The following CSNK1A1 variants were observed in gnomAD, a reference collection of about 807,000 sequenced individuals.
CSNK1A1 encodes the protein casein kinase 1 alpha 1.
Under a neutral mutation model 46.1 loss-of-function variants are expected in CSNK1A1, and 7 were observed. The observed-to-expected ratio is 0.15, with a 90% CI of 0.09 to 0.29. The LOEUF is 0.29. Among genes scored for constraint, CSNK1A1 ranks in the 10% least tolerant of loss-of-function variants. The probability of loss-of-function intolerance (pLI) is 1.00; values close to 1 mark genes in which losing one functional copy is unlikely to be tolerated. For synonymous variants in CSNK1A1, 137 were observed against 141.5 expected (o/e 0.97, Z 0.23); for missense variants, 96 against 417.1 (o/e 0.23, Z 6.71).
In CSNK1A1 at chr5:149,510,281, T is replaced by C. The variant is rs183403836; in HGVS notation, c.676-328A>G. On this transcript the variant is annotated intron_variant, in intron 6 of 9. Coordinates refer to ENST00000377843, the MANE Select transcript of CSNK1A1 (RefSeq NM_001892.6). The stretch of plus-strand genomic sequence containing the variant: ...CTTTCTATATATTTTTTTAAGGAGA[T>C]GGGGTCTCACTATGTTGCCCAGGCT... Among the ~76,000 whole-genome samples the C allele has an allele frequency of 9.9e-5, 15 of 152,016 alleles. 1 individual carries two copies. The highest frequency in any genetic ancestry group is 9.8e-4 in the Admixed American group (15 of 15,282).
chr5:149,535,749 C>T (rs1762040888), intron 2 of CSNK1A1, among the ~76,000 whole-genome samples: 1 of 152,194 alleles, frequency 6.6e-6, no homozygotes, highest in African/African-American at 2.4e-5. Flanking sequence ...TCAAGCGATT[C>T]TCCTGCCTCA....
rs1489884732 is a variant in CSNK1A1 at position 149,505,586 on chromosome 5, G to A, written c.867C>T (p.Asn289=). ...QLFRILFRTL[N]HQYDYTFDWT... is the part of the protein sequence containing the mutation. ...AATCAAATGTGTAGTCATATTGATG[G>A]TTCAGGGTCCTGGAACACATAAAAT... is the stretch of plus-strand genomic sequence containing the variant. The change falls in exon 9 of 10, where the codon AAC becomes AAT. Residue 289 remains asparagine, a synonymous_variant. Transcript: ENST00000377843. 6.2e-7 allele frequency: 1 copy of A among 1,613,604 alleles called. No individual in the cohort carries two copies. The highest frequency in any genetic ancestry group is 1.3e-5 in the African/African-American group (1 of 74,904).
chr5:149,527,284 C>G (rs772773457), intron 2 of CSNK1A1, among the ~76,000 whole-genome samples: 3 of 152,060 alleles, frequency 2.0e-5, no homozygotes, highest in African/African-American at 7.2e-5. Flanking sequence ...CCTGCCACCA[C>G]GCCCAGCTAA....
rs114835501 is a variant in CSNK1A1, at chr5:149,532,344, C to T, written c.231-7173G>A. Among the ~76,000 whole-genome samples the T allele has an allele frequency of 9.7e-3, 1,465 of 151,778 alleles. 19 individuals are homozygous for T. The highest frequency in any genetic ancestry group is 0.033 in the African/African-American group (1,369 of 41,338). Reference sequence around the variant, plus strand: ...CGGAGTGGCTCATGCTGAGATCATACTGTTGCACTCCAGCCTGGGCCACAG... The same window carrying T: ...CGGAGTGGCTCATGCTGAGATCATATTGTTGCACTCCAGCCTGGGCCACAG... On this transcript the variant is annotated intron_variant, in intron 2 of 9. Coordinates refer to ENST00000377843, the MANE Select transcript of CSNK1A1 (RefSeq NM_001892.6).
intron 9 of CSNK1A1, chr5:149,504,289 G>A (rs557485507): frequency 2.0e-6 from 2 of 985,340 alleles, no homozygotes; most frequent in East Asian, 1.1e-4. Context: ...ATGAGCTGCT[G>A]GGATGAGGAT....
At chr5:149,544,493 T>C (rs1009068559) in intron 2 of CSNK1A1, among the ~76,000 whole-genome samples, 11 of 91,858 alleles carry the variant, frequency 1.2e-4, no homozygotes, top group African/African-American at 6.3e-4. Flanking sequence ...CAAGAGCCCA[T>C]CTATATAAAA....
At chr5:149,497,800 TTTC>T in intron 9 of CSNK1A1, 1 of 985,502 alleles carries the variant, frequency 1.0e-6, no homozygotes, top group South Asian at 4.7e-5. Context: ...CAGGTCATGT[TTTC>T]TTCAATCATA....
At chr5:149,546,971 T>TC (rs1375338600) in intron 2 of CSNK1A1, among the ~76,000 whole-genome samples, 1 of 152,186 alleles carries the variant, frequency 6.6e-6, no homozygotes, top group East Asian at 1.9e-4. Flanking sequence ...GGAAACAGTT[T>TC]TTTTTTTACA....
At chr5:149,508,711 A>C (rs1418954853) in intron 7 of CSNK1A1, among the ~76,000 whole-genome samples, 1 of 152,168 alleles carries the variant, frequency 6.6e-6, no homozygotes, top group Non-Finnish European at 1.5e-5. Flanking sequence ...TTAATGTACT[A>C]ATTGTTGATA....
intron 9 of CSNK1A1, chr5:149,497,211 T>C (rs1561748028): frequency 2.9e-6 from 3 of 1,023,696 alleles, no homozygotes; most frequent in African/African-American, 1.7e-5. Context: ...GAAAAACAGA[T>C]TGCTTTGCTT....
In CSNK1A1 at chr5:149,495,996, T is replaced by C. The variant is rs1306153545; in HGVS notation, c.*857A>G. 2 of 152,546 alleles carry C rather than the reference T, an allele frequency of 1.3e-5. No homozygotes were observed. Among genetic ancestry groups the C allele is most frequent in the Non-Finnish European group, 2.9e-5 (2 of 68,010 alleles). 9.4% of individuals were successfully genotyped at this position (152,546 alleles called of 1,614,324 possible). A position where few individuals can be genotyped will look rare whatever the true frequency, so the allele number is the denominator to read the frequency against. Reference sequence around the variant, plus strand: ...AAATCTCATTTCCTTACAGAAACAGTTTTTAGTTTTTAATGAACTTGTAAA... The same window carrying C: ...AAATCTCATTTCCTTACAGAAACAGCTTTTAGTTTTTAATGAACTTGTAAA... On this transcript the variant is annotated 3_prime_UTR_variant, in exon 10 of 10. Coordinates refer to ENST00000377843, the MANE Select transcript of CSNK1A1 (RefSeq NM_001892.6).
chr5:149,538,922 C>CAAAAA (rs5872132), intron 2 of CSNK1A1, among the ~76,000 whole-genome samples: 1 of 131,916 alleles, frequency 7.6e-6, no homozygotes, highest in Non-Finnish European at 1.7e-5. Context: ...AACTCCGTCT[C>CAAAAA]AAAAAAAAAA....
intron 2 of CSNK1A1, chr5:149,549,634 A>G (rs956733943): frequency 2.9e-5 from 19 of 652,298 alleles, no homozygotes; most frequent in Non-Finnish European, 5.1e-5. Flanking sequence ...TGTTGGAACA[A>G]AAACACAACA....
At chr5:149,545,666 T>C (rs1228148873) in intron 2 of CSNK1A1, 4 of 830,080 alleles carry the variant, frequency 4.8e-6, no homozygotes, top group African/African-American at 1.7e-5. Flanking sequence ...GCCTTGGCAT[T>C]GTTGGCCTGC....
intron 2 of CSNK1A1, among the ~76,000 whole-genome samples, chr5:149,526,186 T>A (rs1279471330): frequency 6.6e-6 from 1 of 152,160 alleles, no homozygotes; most frequent in African/African-American, 2.4e-5. Flanking sequence ...GTTGCCAGGC[T>A]GGGGTGCAGT....
chr5:149,527,655 AT>A (rs139244235), intron 2 of CSNK1A1, among the ~76,000 whole-genome samples: 91 of 151,946 alleles, frequency 6.0e-4, no homozygotes, highest in African/African-American at 2.2e-3. Context: ...TCCTCATTTT[AT>A]TTTCTTTTGT....
In CSNK1A1 at chr5:149,517,737, A is replaced by T; in HGVS notation, c.456+2553T>A. ...ACAAAAATCATCAAAATAAAACAAT[A>T]AAAAAGAAAAGCACATGAATTTGGG... On this transcript the variant is annotated intron_variant, in intron 4 of 9. Transcript: ENST00000377843. This position sits in a 1 kb window ranked among gnomAD's most constrained non-coding sequence, Gnocchi z 4.4. 8.9e-7 allele frequency: 1 copy of T among 1,120,338 alleles called. No individual in the cohort carries two copies. The highest frequency in any genetic ancestry group is 1.4e-5 in the South Asian group (1 of 71,830). The allele number at this position is 1,120,338 out of a possible 1,614,324, so 69.4% of individuals were successfully genotyped here.
chr5:149,539,055 G>A (rs1391477612), intron 2 of CSNK1A1, among the ~76,000 whole-genome samples: 1 of 152,168 alleles, frequency 6.6e-6, no homozygotes, highest in Non-Finnish European at 1.5e-5. Flanking sequence ...CCTTCAAGGA[G>A]TTTCTAGAAT....
rs749490290 is a variant in CSNK1A1 at position 149,511,817 on chromosome 5, T to C, written c.652A>G (p.Ser218Gly). The C allele has an allele frequency of 6.2e-7, 1 of 1,610,038 alleles. No homozygotes were observed. The highest frequency in any genetic ancestry group is 8.5e-7 in the Non-Finnish European group (1 of 1,178,160). Residue 218 changes from serine to glycine, a missense_variant, in exon 6 of 10, where the codon AGC becomes GGC. By Grantham distance (56) the Ser-to-Gly change is moderately conservative. Coordinates refer to ENST00000377843, the MANE Select transcript of CSNK1A1 (RefSeq NM_001892.6). The part of the protein sequence containing the change: ...GYVLMYFNRT[S>G]LPWQGLKAAT... Reference sequence around the variant, plus strand: ...ACCTTTAGCCCTTGCCATGGCAGGCTGGTTCTATTAAAATACATCAAAACA... The same window carrying C: ...ACCTTTAGCCCTTGCCATGGCAGGCCGGTTCTATTAAAATACATCAAAACA...
Sources: gnomAD v4.1 joint callset for allele counts (sites outside exome capture counted in the v4.1 genomes callset) on GRCh38, gnomAD v4.1.1 for gene constraint, Gnocchi (gnomAD v3.1) non-coding constraint, MANE v1.5 for transcripts, NCBI Gene and HGNC (gene_info 2026-07-23, HGNC 2026-07-21) for gene names.